ZMAT4: variants seen among roughly 807,000 people sequenced by gnomAD.
ZMAT4 encodes the protein zinc finger matrin-type protein 4.
A neutral mutation model predicts 28.7 loss-of-function variants in ZMAT4; 17 were observed. That is an observed-to-expected ratio of 0.59 (90% CI 0.41 to 0.89). The LOEUF (loss-of-function observed/expected upper bound fraction) is 0.89. Ranked by LOEUF, ZMAT4 falls within the 40% of genes least tolerant of loss-of-function variation. The pLI, the probability that ZMAT4 is intolerant of heterozygous loss-of-function variation, is 0.00. For missense variants in ZMAT4, 240 were observed against 283.8 expected, an observed-to-expected ratio of 0.85 and a Z score of 1.11; for synonymous variants, 117 against 109.2, an observed-to-expected ratio of 1.07 and a Z score of -0.44.
intron 1 of ZMAT4, among the ~76,000 whole-genome samples, chr8:40,881,482 A>AGAAAGAAAGAAG (rs1818238887): frequency 2.1e-5 from 3 of 144,924 alleles, no homozygotes; most frequent in African/African-American, 7.7e-5. Flanking sequence ...AAAGAAAGAA[A>AGAAAGAAAGAAG]GAAAGAAAGA....
At chr8:40,643,703 CA>C (rs1807159556) in intron 5 of ZMAT4, among the ~76,000 whole-genome samples, 1 of 147,962 alleles carries the variant, frequency 6.8e-6, no homozygotes. Context: ...GAAAACTCCC[CA>C]AAAGATGCCC....
intron 3 of ZMAT4, among the ~76,000 whole-genome samples, chr8:40,758,142 G>T (rs1356722166): frequency 3.3e-5 from 5 of 152,076 alleles, no homozygotes; most frequent in Non-Finnish European, 7.3e-5. Flanking sequence ...ATCTCACCTT[G>T]TGATCGTGTG....
Position 40,621,179 on chromosome 8 carries a change from C to T in ZMAT4, c.578-39918G>A, listed in dbSNP as rs117115724. Among the ~76,000 whole-genome samples the T allele has an allele frequency of 5.1e-3, 774 of 152,188 alleles. 3 individuals carry two copies. Among genetic ancestry groups the T allele is most frequent in the Non-Finnish European group, 8.1e-3 (551 of 68,010 alleles). On this transcript the variant is annotated intron_variant, in intron 5 of 6. Coordinates refer to ENST00000297737, the MANE Select transcript of ZMAT4 (RefSeq NM_024645.3). Reference sequence around the variant, plus strand: ...CTACCAGCGAGGGAGTGGATCATCTCGGGAAAGTTACTTAGTGCCAGACAC... The same window carrying T: ...CTACCAGCGAGGGAGTGGATCATCTTGGGAAAGTTACTTAGTGCCAGACAC...
intron 5 of ZMAT4, among the ~76,000 whole-genome samples, chr8:40,604,931 C>T (rs1016094371): frequency 6.6e-6 from 1 of 151,926 alleles, no homozygotes; most frequent in Admixed American, 6.6e-5. Flanking sequence ...AGTTTAATTT[C>T]TTACTTGTTT....
At chr8:40,596,146 C>T (rs1339112117) in intron 5 of ZMAT4, among the ~76,000 whole-genome samples, 1 of 151,882 alleles carries the variant, frequency 6.6e-6, no homozygotes, top group Non-Finnish European at 1.5e-5. Context: ...AGAAATAGTA[C>T]ATTGTATGGG....
chr8:40,867,945 T>A (rs1048033622), intron 1 of ZMAT4, among the ~76,000 whole-genome samples: 2 of 150,650 alleles, frequency 1.3e-5, no homozygotes, highest in Non-Finnish European at 3.0e-5. Flanking sequence ...AAAAAAAAAA[T>A]TAAAGGATTT....
At position 40,801,365 on chromosome 8, in the gene ZMAT4, T is replaced by TATATATATATATATATATAC. The variant is rs1554559774; in HGVS notation, c.102+24209_102+24210insGTATATATATATATATATAT. ...TTAAAAAAAAAAATATATATATATA[T>TATATATATATATATATATAC]ATATATACATATATATATTCGGTGG... is the stretch of plus-strand genomic sequence containing the variant. On this transcript the variant is annotated intron_variant, in intron 2 of 6. Coordinates refer to ENST00000297737, the MANE Select transcript of ZMAT4 (RefSeq NM_024645.3). Among the ~76,000 whole-genome samples, 553 of 144,112 alleles carry TATATATATATATATATATAC rather than the reference T, an allele frequency of 3.8e-3. 4 individuals carry two copies. The highest frequency in any genetic ancestry group is 0.014 in the African/African-American group (519 of 37,904). The allele number at this position is 144,112 out of a possible 152,430, so 94.5% of individuals were successfully genotyped here.
chr8:40,719,171 A>T (rs1810974544), intron 3 of ZMAT4, among the ~76,000 whole-genome samples: 1 of 152,088 alleles, frequency 6.6e-6, no homozygotes, highest in Non-Finnish European at 1.5e-5. Flanking sequence ...GCCAGGTGTG[A>T]TGACTCATAC....
chr8:40,690,527 T>C (rs780580381), intron 4 of ZMAT4, among the ~76,000 whole-genome samples: 1 of 152,202 alleles, frequency 6.6e-6, no homozygotes, highest in Admixed American at 6.5e-5. Flanking sequence ...TGACAAACTA[T>C]TGTTTGCATC....
chr8:40,723,995 T>C (rs550032589), intron 3 of ZMAT4, among the ~76,000 whole-genome samples: 1 of 152,260 alleles, frequency 6.6e-6, no homozygotes, highest in South Asian at 2.1e-4. Flanking sequence ...TCCCTTCACT[T>C]GCTCCCAGCC....
At chr8:40,855,097 T>G (rs1451658349) in intron 1 of ZMAT4, among the ~76,000 whole-genome samples, 2 of 151,992 alleles carry the variant, frequency 1.3e-5, no homozygotes, top group Non-Finnish European at 2.9e-5. Flanking sequence ...CATTCACGGG[T>G]TTTTGCAATC....
intron 2 of ZMAT4, among the ~76,000 whole-genome samples, chr8:40,780,374 CAGA>C (rs1436446686): frequency 6.6e-6 from 1 of 152,200 alleles, no homozygotes; most frequent in Non-Finnish European, 1.5e-5. Context: ...ATGGCTTCTA[CAGA>C]AGGTGTATCG....
intron 3 of ZMAT4, among the ~76,000 whole-genome samples, chr8:40,760,499 G>A (rs12549678): frequency 0.12 from 18,777 of 152,132 alleles, 1,650 homozygotes; most frequent in East Asian, 0.38. Flanking sequence ...CAGATTGGGG[G>A]TAGGAGAGCT....
chr8:40,592,812 T>C (rs1804941388), intron 5 of ZMAT4, among the ~76,000 whole-genome samples: 1 of 152,186 alleles, frequency 6.6e-6, no homozygotes, highest in Non-Finnish European at 1.5e-5. Flanking sequence ...AGATGATAGA[T>C]TTTAACATTT....
At chr8:40,869,496 C>A (rs1265097446) in intron 1 of ZMAT4, among the ~76,000 whole-genome samples, 1 of 152,200 alleles carries the variant, frequency 6.6e-6, no homozygotes, top group Non-Finnish European at 1.5e-5. Flanking sequence ...CATGTAATTT[C>A]TCTCAGTCTC....
intron 5 of ZMAT4, among the ~76,000 whole-genome samples, chr8:40,607,459 C>T (rs574560265): frequency 2.0e-5 from 3 of 152,054 alleles, no homozygotes; most frequent in South Asian, 4.2e-4. Context: ...AAAATTATTT[C>T]TTTGAGTTGG....
chr8:40,695,205 A>G (rs138529516), intron 4 of ZMAT4, among the ~76,000 whole-genome samples: 11 of 152,274 alleles, frequency 7.2e-5, no homozygotes, highest in Admixed American at 2.0e-4. Context: ...CTTTTCTCCT[A>G]TTGACCAAAC....
chr8:40,719,564 G>C (rs978406752), intron 3 of ZMAT4, among the ~76,000 whole-genome samples: 1 of 151,968 alleles, frequency 6.6e-6, no homozygotes, highest in Non-Finnish European at 1.5e-5. Flanking sequence ...GGCACTCAAG[G>C]CCCTTTTTTT....
intron 2 of ZMAT4, among the ~76,000 whole-genome samples, chr8:40,812,899 C>T (rs949468564): frequency 7.3e-5 from 11 of 151,170 alleles, no homozygotes; most frequent in African/African-American, 2.4e-4. Context: ...TGCCACTGCA[C>T]TCCAGCCTGG....
Sources: allele counts gnomAD v4.1 joint callset (sites outside exome capture counted in the v4.1 genomes callset), GRCh38; gene constraint gnomAD v4.1.1; transcripts MANE v1.5; gene names NCBI Gene and HGNC (gene_info 2026-07-23, HGNC 2026-07-21).